The following CCDC125 variants were observed in gnomAD, a reference collection of about 807,000 sequenced individuals.
CCDC125 encodes coiled-coil domain containing 125.
A neutral mutation model predicts 57.4 loss-of-function variants in CCDC125; 43 were observed. The ratio of observed to expected loss-of-function variants is 0.75; its 90% confidence interval spans 0.59 to 0.97. The LOEUF is 0.97. Among genes scored for constraint, CCDC125 ranks in the 50% least tolerant of loss-of-function variants. The probability of loss-of-function intolerance (pLI) is 0.00; values close to 1 mark genes in which losing one functional copy is unlikely to be tolerated. For missense variants in CCDC125, 563 were observed against 595.7 expected (o/e 0.95, Z 0.57); for synonymous variants, 187 against 195.2 (o/e 0.96, Z 0.35).
intron 1 of CCDC125, among the ~76,000 whole-genome samples, chr5:69,321,814 T>G (rs1760063783): frequency 6.6e-6 from 1 of 152,132 alleles, no homozygotes; most frequent in African/African-American, 2.4e-5. Flanking sequence ...GCAATCCAAT[T>G]ATAAGTATTT....
chr5:69,274,303 G>A, the CCDC125 span, among the ~76,000 whole-genome samples: 1 of 152,248 alleles, frequency 6.6e-6, no homozygotes, highest in East Asian at 1.9e-4. Flanking sequence ...AGCCTAATTT[G>A]CATATAGAAC....
At chr5:69,316,492 G>C (rs1248540571) in intron 2 of CCDC125, among the ~76,000 whole-genome samples, 1 of 152,182 alleles carries the variant, frequency 6.6e-6, no homozygotes, top group Non-Finnish European at 1.5e-5. Context: ...CAAAGGAGTA[G>C]AGTCTTCCCA....
intron 7 of CCDC125, among the ~76,000 whole-genome samples, chr5:69,300,703 C>G (rs927390228): frequency 6.6e-6 from 1 of 152,082 alleles, no homozygotes; most frequent in African/African-American, 2.4e-5. Context: ...TTATCTCACA[C>G]AGGAGACATC....
At chr5:69,330,341 A>C (rs1279177192) in intron 1 of CCDC125, among the ~76,000 whole-genome samples, 1 of 152,204 alleles carries the variant, frequency 6.6e-6, no homozygotes, top group Non-Finnish European at 1.5e-5. Flanking sequence ...TCATGCCTGT[A>C]ATCCCAGCAC....
intron 1 of CCDC125, among the ~76,000 whole-genome samples, chr5:69,331,997 G>C (rs1761480314): frequency 6.6e-6 from 1 of 152,206 alleles, no homozygotes; most frequent in Admixed American, 6.5e-5. Flanking sequence ...AAAGATATTT[G>C]ACAGAATCGA....
intron 1 of CCDC125, among the ~76,000 whole-genome samples, chr5:69,326,970 C>G (rs1483241200): frequency 6.6e-6 from 1 of 152,012 alleles, no homozygotes; most frequent in Admixed American, 6.6e-5. Context: ...GGTGGGAAGT[C>G]AAGGCTGCAG....
Position 69,292,187 on chromosome 5 carries a change from C to T in CCDC125, c.1099+1G>A, listed in dbSNP as rs747278843. 1.2e-5 allele frequency: 19 copies of T among 1,605,764 alleles called. No individual in the cohort carries two copies. Among genetic ancestry groups the T allele is most frequent in the Non-Finnish European group, 1.5e-5 (18 of 1,176,338 alleles). On this transcript the variant is annotated splice_donor_variant, in intron 10 of 11. Coordinates refer to ENST00000396496, the MANE Select transcript of CCDC125 (RefSeq NM_176816.5). LOFTEE classifies it high-confidence loss of function. ...TTATTGCCATTATAATTCATAGTTA[C>T]CATCCTCTTTAAGGTGCTTCCAATT...
At chr5:69,291,262 A>G (rs1264320370) in intron 10 of CCDC125, among the ~76,000 whole-genome samples, 2 of 152,248 alleles carry the variant, frequency 1.3e-5, no homozygotes, top group Non-Finnish European at 2.9e-5. Context: ...AGATTTCTAA[A>G]AAATAACAGC....
At chr5:69,289,454 C>T (rs1754041499) in intron 10 of CCDC125, among the ~76,000 whole-genome samples, 1 of 152,120 alleles carries the variant, frequency 6.6e-6, no homozygotes, top group African/African-American at 2.4e-5. Flanking sequence ...TAGCTTTTTC[C>T]CTGGCAAAAT....
At chr5:69,319,378 A>G (rs1391673229) in intron 2 of CCDC125, among the ~76,000 whole-genome samples, 1 of 152,190 alleles carries the variant, frequency 6.6e-6, no homozygotes, top group East Asian at 1.9e-4. Flanking sequence ...AAAAAAAAGT[A>G]CTTCACAAAA....
chr5:69,285,608 G>T, intron 10 of CCDC125, 141 bp from the exon 11 acceptor site: 2 of 802,172 alleles, frequency 2.5e-6, no homozygotes, highest in Non-Finnish European at 3.7e-6. Context: ...ACAGCCTTCA[G>T]AGCCAGGAGC....
chr5:69,322,558 T>C (rs893662114), intron 1 of CCDC125, among the ~76,000 whole-genome samples: 2 of 150,996 alleles, frequency 1.3e-5, no homozygotes, highest in African/African-American at 2.4e-5. Flanking sequence ...AACCTGTCTC[T>C]ACAAAAAAAA....
chr5:69,275,681 A>C (rs1262581714), downstream of CCDC125, among the ~76,000 whole-genome samples: 4 of 152,190 alleles, frequency 2.6e-5, no homozygotes, highest in Non-Finnish European at 5.9e-5. Context: ...ATATTTTATA[A>C]AATTACCTTC....
chr5:69,309,814 A>T (rs1757871858), intron 4 of CCDC125: 1 of 152,432 alleles, frequency 6.6e-6, no homozygotes, highest in Non-Finnish European at 1.5e-5. Context: ...GGGAGGCTGT[A>T]CTCTGCAAAG....
At chr5:69,330,325 G>A (rs561279842) in intron 1 of CCDC125, among the ~76,000 whole-genome samples, 24 of 152,208 alleles carry the variant, frequency 1.6e-4, no homozygotes, top group African/African-American at 5.3e-4. Context: ...CGCCGGGCAC[G>A]GTGGCTCATG....
intron 11 of CCDC125, among the ~76,000 whole-genome samples, chr5:69,284,632 G>C (rs1579936260): frequency 6.6e-6 from 1 of 152,116 alleles, no homozygotes; most frequent in Non-Finnish European, 1.5e-5. Flanking sequence ...GGTAGAGTCT[G>C]GTACTCCAAC....
At chr5:69,273,102 A>G in the CCDC125 span, 18 of 1,143,030 alleles carry the variant, frequency 1.6e-5, no homozygotes, top group Non-Finnish European at 2.0e-5. Context: ...TGTAGCATTG[A>G]TAAAAATAGA....
chr5:69,308,412 G>A (rs1757665367), intron 4 of CCDC125: 1 of 244,126 alleles, frequency 4.1e-6, no homozygotes, highest in Non-Finnish European at 8.2e-6. Context: ...GAATCATGGG[G>A]GTGGTTTTCC....
rs1752449965 is a variant in CCDC125, at chr5:69,281,192, T to C, written c.*1537A>G. ...AATCCTAGCTGGATCAAATATGAGC[T>C]TTGTAAATTTTTAAAAACTTTTTTA... is the stretch of plus-strand genomic sequence containing the variant. On this transcript the variant is annotated 3_prime_UTR_variant, in exon 12 of 12. Transcript: ENST00000396496. 1 of 152,158 alleles carries C rather than the reference T, an allele frequency of 6.6e-6. No individual in the cohort carries two copies. The highest frequency in any genetic ancestry group is 2.4e-5 in the African/African-American group (1 of 41,432). The allele number at this position is 152,158 out of a possible 1,614,324, so 9.4% of individuals were successfully genotyped here.
Sources: allele counts gnomAD v4.1 joint callset (sites outside exome capture counted in the v4.1 genomes callset), GRCh38; gene constraint gnomAD v4.1.1; transcripts MANE v1.5; gene names NCBI Gene and HGNC (gene_info 2026-07-23, HGNC 2026-07-21).